The following LGI3 variants were observed in gnomAD, a reference collection of about 807,000 sequenced individuals.
The protein encoded by LGI3 is leucine rich repeat LGI family member 3.
LGI3 carries 47 observed loss-of-function variants against 55.4 expected under a neutral mutation model. That is an observed-to-expected ratio of 0.85 (90% CI 0.67 to 1.08). The LOEUF is 1.08. Ranked by LOEUF, LGI3 falls within the 50% of genes least tolerant of loss-of-function variation. The probability of loss-of-function intolerance (pLI) is 0.00; values close to 1 mark genes in which losing one functional copy is unlikely to be tolerated. For synonymous variants in LGI3, 326 were observed against 315.0 expected, an observed-to-expected ratio of 1.04 and a Z score of -0.37; for missense variants, 664 against 726.3, an observed-to-expected ratio of 0.91 and a Z score of 0.99.
intron 7 of LGI3, among the ~76,000 whole-genome samples, chr8:22,149,330 A>G (rs866248755): frequency 6.6e-6 from 1 of 152,228 alleles, no homozygotes; most frequent in African/African-American, 2.4e-5. Context: ...CACATGTTAC[A>G]TCGATGAGGA....
intron 5 of LGI3, 120 bp downstream of exon 5, chr8:22,153,848 C>A (rs1827448641): frequency 9.9e-7 from 1 of 1,007,870 alleles, no homozygotes; most frequent in Non-Finnish European, 1.5e-6. Context: ...AGGGTCCCCC[C>A]ACCCAAGCCT....
rs1827342857 is a variant in LGI3, at chr8:22,148,901, G to A, written c.906C>T (p.Gly302=). 1 of 1,614,032 alleles carries A rather than the reference G, an allele frequency of 6.2e-7. No homozygotes were observed. Among genetic ancestry groups the A allele is most frequent in the South Asian group, 1.1e-5 (1 of 91,084 alleles). Residue 302 remains glycine (G), a synonymous_variant, in exon 8 of 8, where the codon GGC becomes GGT. Transcript: ENST00000306317. This position sits in a 1 kb window ranked among gnomAD's most constrained non-coding sequence, Gnocchi z 7.0. The part of the protein sequence containing the change: ...LYVVVAQLFG[G]SYIYHWDPNT... ...TGGGATCCCAGTGGTAAATGTAAGA[G>A]CCGCCAAACAGCTGGGCCACGACCA...
chr8:22,152,075 G>C (rs765789278), intron 5 of LGI3, 75 bp from the exon 6 acceptor site: 1 of 1,277,556 alleles, frequency 7.8e-7, no homozygotes, highest in Non-Finnish European at 1.1e-6. Flanking sequence ...AGGCCCTCCA[G>C]GTTTTCAGAA....
At chr8:22,155,348 C>T (rs555890826) in intron 2 of LGI3, 44 bp downstream of exon 2, 1 of 1,580,504 alleles carries the variant, frequency 6.3e-7, no homozygotes, top group Non-Finnish European at 8.7e-7. Flanking sequence ...CCCCTGCTAC[C>T]ACCCCATAGT....
At chr8:22,154,677 TGCCCCA>T in intron 2 of LGI3, 46 bp from the exon 3 acceptor site, 2 of 1,433,554 alleles carry the variant, frequency 1.4e-6, no homozygotes, top group Non-Finnish European at 2.0e-6. Flanking sequence ...GTGTGCCTGC[TGCCCCA>T]GCCCCCAGCC....
chr8:22,154,918 C>G, intron 2 of LGI3: 1 of 492,334 alleles, frequency 2.0e-6, no homozygotes, highest in South Asian at 2.3e-5. Context: ...CTCCCTCTCC[C>G]CCACCCTCAT....
At chr8:22,149,755 C>T (rs189418312) in intron 7 of LGI3, among the ~76,000 whole-genome samples, 3 of 152,292 alleles carry the variant, frequency 2.0e-5, no homozygotes, top group East Asian at 3.9e-4. Flanking sequence ...CTCTTTCCTT[C>T]TCACTATGAC....
intron 1 of LGI3, among the ~76,000 whole-genome samples, chr8:22,156,003 T>C (rs1197079345): frequency 6.6e-6 from 1 of 152,232 alleles, no homozygotes; most frequent in Non-Finnish European, 1.5e-5. Context: ...CTCCTGCCCT[T>C]GGTGTGACAT....
intron 5 of LGI3, 26 bp from the exon 6 acceptor site, chr8:22,152,026 G>A: frequency 2.6e-6 from 4 of 1,559,356 alleles, no homozygotes; most frequent in Non-Finnish European, 3.5e-6. Context: ...AGAGGAGGGG[G>A]GCACAGAGAA....
In LGI3 at chr8:22,154,004, C is replaced by A; in HGVS notation, c.458G>T (p.Arg153Ile). 1 of 1,614,188 alleles carries A rather than the reference C, an allele frequency of 6.2e-7. No homozygotes were observed. Among genetic ancestry groups the A allele is most frequent in the Non-Finnish European group, 8.5e-7 (1 of 1,180,034 alleles). The part of the protein sequence containing the change: ...LANNNLQTLP[R>I]DIFRPLDILN... ...GATGTCCAGGGGCCGGAAGATGTCT[C>A]TGGGCAGTGTCTGCAGGTTATTGTT... Residue 153 changes from arginine (R) to isoleucine (I), a missense_variant, in exon 5 of 8, where the codon AGA becomes ATA. Arg to Ile is a moderately conservative substitution (Grantham distance 97, BLOSUM62 -3). Coordinates refer to ENST00000306317, the MANE Select transcript of LGI3 (RefSeq NM_139278.4).
At chr8:22,154,799 G>A in intron 2 of LGI3, 168 bp from the exon 3 acceptor site, 1 of 600,730 alleles carries the variant, frequency 1.7e-6, no homozygotes, top group Non-Finnish European at 3.0e-6. Flanking sequence ...CCAGGCAGGA[G>A]CCTGTTCTGG....
In LGI3 at chr8:22,153,865, C is replaced by A. The variant is rs574135693; in HGVS notation, c.494+103G>T. Reference sequence around the variant, plus strand: ...GGTCCCCCCACCCAAGCCTTCCCAGCCTCTCAAGACCTTATGACCATCCCA... The same window carrying A: ...GGTCCCCCCACCCAAGCCTTCCCAGACTCTCAAGACCTTATGACCATCCCA... On this transcript the variant is annotated intron_variant, in intron 5 of 7. Coordinates refer to ENST00000306317, the MANE Select transcript of LGI3 (RefSeq NM_139278.4). 5.8e-6 allele frequency: 7 copies of A among 1,212,716 alleles called. No individual in the cohort carries two copies. The Admixed American group carries it at 7.0e-5, about 12-fold the overall frequency. The allele number at this position is 1,212,716 out of a possible 1,614,324, so 75.1% of individuals were successfully genotyped here. A position where few individuals can be genotyped will look rare whatever the true frequency, so the allele number is the denominator to read the frequency against.
chr8:22,148,053 G>A lies in LGI3; in HGVS notation c.*107C>T. On this transcript the variant is annotated 3_prime_UTR_variant, in exon 8 of 8. Transcript: ENST00000306317. The surrounding 1 kb of genome is among the most constrained non-coding windows in gnomAD (Gnocchi z 7.0). ...TGGGCGTGTGCGGATACAAGGGCAT[G>A]AATGCAGGTTGGTCGCTTGTCTTCA... 1.1e-6 allele frequency: 1 copy of A among 921,012 alleles called. No homozygotes were observed. The highest frequency in any genetic ancestry group is 1.6e-5 in the South Asian group (1 of 62,640). 57.1% of individuals were successfully genotyped at this position (921,012 alleles called of 1,614,324 possible). A position where few individuals can be genotyped will look rare whatever the true frequency, so the allele number is the denominator to read the frequency against.
chr8:22,156,492 G>C lies in LGI3; in HGVS notation c.51C>G (p.Leu17=). The C allele has an allele frequency of 7.0e-7, 1 of 1,418,614 alleles. No individual in the cohort carries two copies. Among genetic ancestry groups the C allele is most frequent in the Admixed American group, 3.0e-5 (1 of 33,156 alleles). 87.9% of individuals were successfully genotyped at this position (1,418,614 alleles called of 1,614,324 possible). Reference sequence around the variant, plus strand: ...GCATGAGGCAGAAGCCGAGCGCGGAGAGCGCCAGCAGCCCCGGCCCCGGGC... The same window carrying C: ...GCATGAGGCAGAAGCCGAGCGCGGACAGCGCCAGCAGCCCCGGCCCCGGGC... ...RGGPGPGLLA[L]SALGFCLMLQ... Residue 17 remains leucine, a synonymous_variant, in exon 1 of 8, where the codon CTC becomes CTG. Transcript: ENST00000306317.
intron 5 of LGI3, among the ~76,000 whole-genome samples, chr8:22,152,512 G>T (rs143640613): frequency 6.6e-6 from 1 of 152,178 alleles, no homozygotes; most frequent in Non-Finnish European, 1.5e-5. Flanking sequence ...GGGAGGCTGA[G>T]GTGGGCAGAT....
In LGI3 at chr8:22,151,879, G is replaced by T. The variant is rs1299685108; in HGVS notation, c.616C>A (p.His206Asn). The T allele has an allele frequency of 6.2e-7, 1 of 1,613,458 alleles. No individual in the cohort carries two copies. The highest frequency in any genetic ancestry group is 1.1e-5 in the South Asian group (1 of 91,022). ...CGCAGCGGCAGGTCCTGCACCTTGTGCTCCTGGAAGCGGGGCGGGCTGGCG... is the reference window on the plus strand; with the variant it reads ...CGCAGCGGCAGGTCCTGCACCTTGTTCTCCTGGAAGCGGGGCGGGCTGGCG... ...YCASPPRFQE[H>N]KVQDLPLREF... The change falls in exon 6 of 8, where the codon CAC becomes AAC. Residue 206 changes from histidine (H) to asparagine (N), a missense_variant. Physicochemically the swap from His to Asn is moderately conservative, Grantham distance 68. Transcript: ENST00000306317.
At chr8:22,152,740 CA>C (rs558087211) in intron 5 of LGI3, among the ~76,000 whole-genome samples, 6,656 of 66,548 alleles carry the variant, frequency 0.1, 421 homozygotes, top group African/African-American at 0.32. Flanking sequence ...GACTCCGTCT[CA>C]AAAAAAAAAA....
Position 22,148,547 on chromosome 8 carries a change from C to T in LGI3, c.1260G>A (p.Val420=). 1 of 1,613,842 alleles carries T rather than the reference C, an allele frequency of 6.2e-7. No homozygotes were observed. The highest frequency in any genetic ancestry group is 8.5e-7 in the Non-Finnish European group (1 of 1,180,024). The change falls in exon 8 of 8, where the codon GTG becomes GTA. Residue 420 remains valine, a synonymous_variant. Transcript: ENST00000306317. The surrounding 1 kb of genome is among the most constrained non-coding windows in gnomAD (Gnocchi z 7.0). ...QFVAQGEVTQ[V]PDAQAVKHFR... The stretch of plus-strand genomic sequence containing the variant: ...AGTGTTTCACAGCTTGGGCATCAGG[C>T]ACCTGGGTCACCTCACCCTGGGCCA...
Position 22,154,552 on chromosome 8 carries a change from C to T in LGI3, c.350+8G>A, listed in dbSNP as rs1563211905. On this transcript the variant is annotated splice_region_variant and intron_variant, in intron 3 of 7. Coordinates refer to ENST00000306317, the MANE Select transcript of LGI3 (RefSeq NM_139278.4). ...TGCTTTCCCATTGCCCCTTTCCCTC[C>T]CACACACAGATACTGCAGGTGCGAC... 6.2e-7 allele frequency: 1 copy of T among 1,613,572 alleles called. No homozygotes were observed.
Sources: allele counts gnomAD v4.1 joint callset (sites outside exome capture counted in the v4.1 genomes callset), GRCh38; gene constraint gnomAD v4.1.1; non-coding constraint Gnocchi (gnomAD v3.1); transcripts MANE v1.5; gene names NCBI Gene and HGNC (gene_info 2026-07-23, HGNC 2026-07-21).